The following TIAM2 variants were observed in gnomAD, a reference collection of about 807,000 sequenced individuals.
TIAM2 encodes TIAM Rac1 associated GEF 2, also known as rho guanine nucleotide exchange factor TIAM2.
Under a neutral mutation model 152.9 loss-of-function variants are expected in TIAM2, and 80 were observed. The ratio of observed to expected loss-of-function variants is 0.52; its 90% CI spans 0.44 to 0.63. TIAM2 has a LOEUF of 0.63. Among genes scored for constraint, TIAM2 ranks in the 30% least tolerant of loss-of-function variants. TIAM2 has a pLI of 0.00. For synonymous variants in TIAM2, 804 were observed against 838.0 expected (o/e 0.96, Z 0.70); for missense variants, 1,965 against 2,120.1 (o/e 0.93, Z 1.44).
intron 2 of TIAM2, among the ~76,000 whole-genome samples, chr6:155,112,575 C>T (rs1450409742): frequency 6.6e-6 from 1 of 152,130 alleles, no homozygotes; most frequent in Non-Finnish European, 1.5e-5. Context: ...GAGAACCCAT[C>T]CAGTTTGTGT....
intron 1 of TIAM2, among the ~76,000 whole-genome samples, chr6:155,087,218 A>G (rs779819057): frequency 9.9e-5 from 15 of 152,230 alleles, no homozygotes; most frequent in Non-Finnish European, 1.9e-4. Flanking sequence ...ATCACATGGT[A>G]TTTGGAATGA....
chr6:155,209,571 A>G (rs1183142463), intron 14 of TIAM2, among the ~76,000 whole-genome samples: 1 of 152,130 alleles, frequency 6.6e-6, no homozygotes, highest in Non-Finnish European at 1.5e-5. Context: ...CTTGCTTGTC[A>G]TGGCTACTCA....
At position 155,107,420 on chromosome 6, in the gene TIAM2, C is replaced by T. The variant is rs542222076; in HGVS notation, c.-118+17041C>T. ...GCCTGCGCCGTTTTACTAATTAACTCTCCAAAATTTGTACGTATTGTATGG... is the reference window on the plus strand; with the variant it reads ...GCCTGCGCCGTTTTACTAATTAACTTTCCAAAATTTGTACGTATTGTATGG... On this transcript the variant is annotated intron_variant, in intron 2 of 26. Transcript: ENST00000682666. Among the ~76,000 whole-genome samples the T allele has an allele frequency of 2.2e-4, 33 of 152,290 alleles. 1 individual carries two copies. The South Asian group carries it at 4.4e-3, about 20-fold the overall frequency.
At chr6:155,094,162 T>C (rs753986967) in intron 2 of TIAM2, among the ~76,000 whole-genome samples, 1 of 152,210 alleles carries the variant, frequency 6.6e-6, no homozygotes, top group Non-Finnish European at 1.5e-5. Flanking sequence ...CTGGCAACAT[T>C]GGGTTCTACC....
chr6:155,057,563 T>TTC (rs1777483289), intron 1 of TIAM2, among the ~76,000 whole-genome samples: 1 of 140,104 alleles, frequency 7.1e-6, no homozygotes, highest in Admixed American at 7.2e-5. Context: ...TTTTTTTTTT[T>TTC]TGAGACAGAG....
intron 2 of TIAM2, among the ~76,000 whole-genome samples, chr6:155,120,679 G>A (rs1779129828): frequency 1.3e-5 from 2 of 152,164 alleles, no homozygotes; most frequent in South Asian, 2.1e-4. Context: ...CTTCAGGGCA[G>A]GATTTCTCAG....
intron 1 of TIAM2, among the ~76,000 whole-genome samples, chr6:155,013,281 G>C (rs1458456555): frequency 6.6e-6 from 1 of 152,094 alleles, no homozygotes; most frequent in African/African-American, 2.4e-5. Context: ...GAAAATCTCT[G>C]TCTGCTTATT....
At chr6:155,054,323 G>T (rs1419134287) in intron 1 of TIAM2, among the ~76,000 whole-genome samples, 1 of 152,128 alleles carries the variant, frequency 6.6e-6, no homozygotes, top group East Asian at 1.9e-4. Flanking sequence ...TGCTCTGGTT[G>T]GTGGGGAATT....
rs769702086 is a variant in TIAM2, at chr6:155,256,621, G to A, written c.4606G>A (p.Glu1536Lys). The change falls in exon 27 of 27, where the codon GAG becomes AAG. Residue 1536 changes from glutamate to lysine, a missense_variant. By Grantham distance (56) the Glu-to-Lys change is moderately conservative. Around this residue, in one of 3 missense-constraint regions of TIAM2, gnomAD observed 935 missense variants for 980.0 expected, o/e 0.95. Transcript: ENST00000682666. ...CCAGAGCAGCGGCTGCCCCACGGCT[G>A]AGGGCAGGCAGGACTCCAAGAGCAC... The part of the protein sequence containing the change: ...GTQSSGCPTA[E>K]GRQDSKSTSP... The A allele has an allele frequency of 6.2e-7, 1 of 1,614,198 alleles. No homozygotes were observed. The highest frequency in any genetic ancestry group is 1.1e-5 in the South Asian group (1 of 91,084).
At chr6:155,161,929 G>C (rs926562910) in intron 7 of TIAM2, among the ~76,000 whole-genome samples, 2 of 151,558 alleles carry the variant, frequency 1.3e-5, no homozygotes, top group Admixed American at 1.3e-4. Flanking sequence ...TTACCTTCTG[G>C]TATCCAGTGA....
rs550379149 is a variant in TIAM2, at chr6:155,090,463, C to T, written c.-118+84C>T. 7.2e-5 allele frequency: 11 copies of T among 152,296 alleles called. No individual in the cohort carries two copies. In the East Asian group the frequency reaches 1.9e-3, roughly 27 times the overall value. 9.4% of individuals were successfully genotyped at this position (152,296 alleles called of 1,614,324 possible). On this transcript the variant is annotated intron_variant, in intron 2 of 26. Coordinates refer to ENST00000682666, the MANE Select transcript of TIAM2 (RefSeq NM_012454.4). ...TCTTTGCTTAATCACCACATTCTCA[C>T]GTAGCTCTGTTAATTGCACTTTGTA...
rs1211558909 is a variant in TIAM2 at position 155,029,485 on chromosome 6, C to T, written c.-209+33993C>T. On this transcript the variant is annotated intron_variant, in intron 1 of 26. Transcript: ENST00000682666. ...TATAATATATACTATAGTATATATA[C>T]TATAGTATATATTATATATAATATA... 5.8e-4 allele frequency among the ~76,000 whole-genome samples: 6 copies of T among 10,362 alleles called. 2 individuals carry two copies. Among genetic ancestry groups the T allele is most frequent in the African/African-American group, 8.6e-4 (3 of 3,486 alleles). 6.8% of individuals were successfully genotyped at this position (10,362 alleles called of 152,430 possible).
intron 25 of TIAM2, 94 bp downstream of exon 25, chr6:155,254,154 T>A: frequency 7.4e-7 from 1 of 1,358,126 alleles, no homozygotes; most frequent in Admixed American, 2.1e-5. Flanking sequence ...TGAATTTTGA[T>A]GATATCAGGG....
chr6:155,204,996 A>G (rs1191034098), intron 14 of TIAM2, among the ~76,000 whole-genome samples: 4 of 152,080 alleles, frequency 2.6e-5, no homozygotes, highest in Non-Finnish European at 5.9e-5. Flanking sequence ...GTGGAAGAGA[A>G]CAGAGCCACT....
At chr6:155,003,399 GA>G (rs1778346759) in intron 1 of TIAM2, among the ~76,000 whole-genome samples, 1 of 152,044 alleles carries the variant, frequency 6.6e-6, no homozygotes, top group Non-Finnish European at 1.5e-5. Flanking sequence ...AGAATTACTT[GA>G]ACCCGGGAGG....
chr6:155,104,580 AC>A (rs2114997567), intron 2 of TIAM2, among the ~76,000 whole-genome samples: 1 of 152,124 alleles, frequency 6.6e-6, no homozygotes, highest in East Asian at 1.9e-4. Flanking sequence ...ACACAGTGAA[AC>A]CCCGTCTCTA....
intron 1 of TIAM2, among the ~76,000 whole-genome samples, chr6:155,017,773 G>T (rs1054054908): frequency 6.6e-6 from 1 of 152,088 alleles, no homozygotes; most frequent in Non-Finnish European, 1.5e-5. Flanking sequence ...AAAGTGCTGG[G>T]ATTACAGGTG....
intron 1 of TIAM2, among the ~76,000 whole-genome samples, chr6:155,054,592 T>G (rs80112634): frequency 0.013 from 86 of 6,838 alleles, 4 homozygotes; most frequent in East Asian, 9.2e-3. Flanking sequence ...GTTTTGTTTT[T>G]TTTTTTTGAG....
intron 1 of TIAM2, among the ~76,000 whole-genome samples, chr6:155,051,675 G>A (rs1236672284): frequency 6.6e-6 from 1 of 151,394 alleles, no homozygotes; most frequent in African/African-American, 2.4e-5. Context: ...ATGGAGTTTC[G>A]CTCTTGTTGC....
Sources: allele counts gnomAD v4.1 joint callset (sites outside exome capture counted in the v4.1 genomes callset), GRCh38; gene constraint gnomAD v4.1.1; regional missense constraint gnomAD v4.1.1; transcripts MANE v1.5; gene names NCBI Gene and HGNC (gene_info 2026-07-23, HGNC 2026-07-21).